HPSE2: variants seen among roughly 807,000 people sequenced by gnomAD.
HPSE2 encodes heparanase 2 (inactive).
In HPSE2, 38 loss-of-function variants were observed where a neutral mutation model predicts 60.5. That is an observed-to-expected ratio of 0.63 (90% CI 0.48 to 0.82). The LOEUF (loss-of-function observed/expected upper bound fraction) is 0.82, where lower values mean the gene tolerates loss of function less well. Among genes scored for constraint, HPSE2 ranks in the 40% least tolerant of loss-of-function variants. The probability of loss-of-function intolerance (pLI) is 0.00; values close to 1 mark genes in which losing one functional copy is unlikely to be tolerated. For synonymous variants in HPSE2, 295 were observed against 293.2 expected, an observed-to-expected ratio of 1.01 and a Z score of -0.06; for missense variants, 713 against 740.4, an observed-to-expected ratio of 0.96 and a Z score of 0.43.
intron 10 of HPSE2, among the ~76,000 whole-genome samples, chr10:98,488,649 G>C (rs1341520936): frequency 6.6e-6 from 1 of 152,230 alleles, no homozygotes. Context: ...AAGGTGCCAA[G>C]AGTAATTTTT....
chr10:98,488,365 T>C (rs1941516084), intron 10 of HPSE2, among the ~76,000 whole-genome samples: 1 of 152,204 alleles, frequency 6.6e-6, no homozygotes, highest in South Asian at 2.1e-4. Flanking sequence ...TTTGCAAACC[T>C]TTCCTGGGAT....
At chr10:98,506,729 C>A (rs1281695635) in intron 9 of HPSE2, among the ~76,000 whole-genome samples, 3 of 152,208 alleles carry the variant, frequency 2.0e-5, no homozygotes, top group Admixed American at 2.0e-4. Context: ...TCACAAAGCA[C>A]TGGGATTTAC....
At chr10:98,579,885 C>T (rs1944744885) in intron 9 of HPSE2, among the ~76,000 whole-genome samples, 1 of 152,158 alleles carries the variant, frequency 6.6e-6, no homozygotes, top group South Asian at 2.1e-4. Flanking sequence ...CATCAAATTG[C>T]CATTTTCTGC....
At chr10:98,634,859 C>G (rs1300845457) in intron 7 of HPSE2, among the ~76,000 whole-genome samples, 1 of 152,208 alleles carries the variant, frequency 6.6e-6, no homozygotes, top group Non-Finnish European at 1.5e-5. Context: ...GTTCTCTGAT[C>G]ATACCCTAAG....
chr10:98,905,189 T>A (rs1953777924), intron 3 of HPSE2, among the ~76,000 whole-genome samples: 1 of 152,186 alleles, frequency 6.6e-6, no homozygotes, highest in South Asian at 2.1e-4. Context: ...CTTTAAGTTT[T>A]AGGGTACATG....
chr10:99,109,493 G>C (rs1249499698), intron 3 of HPSE2, among the ~76,000 whole-genome samples: 1 of 152,168 alleles, frequency 6.6e-6, no homozygotes, highest in Non-Finnish European at 1.5e-5. Flanking sequence ...GGGTGGAATA[G>C]ATTATTTCGC....
chr10:99,086,346 C>CTTTTTTT lies in HPSE2; in HGVS notation c.610+57885_610+57891dup, dbSNP rs66562418. On this transcript the variant is annotated intron_variant, in intron 3 of 11. Transcript: ENST00000370552. ...AGGTGGTAATACGGAAAAGTACTTT[C>CTTTTTTT]TTTTTTTTTTTTTTTTTTTTTTTTG... is the stretch of plus-strand genomic sequence containing the variant. Among the ~76,000 whole-genome samples the CTTTTTTT allele has an allele frequency of 5.1e-4, 42 of 82,996 alleles. 1 individual carries two copies. Among genetic ancestry groups the CTTTTTTT allele is most frequent in the Non-Finnish European group, 6.9e-4 (31 of 45,190 alleles). The allele number at this position is 82,996 out of a possible 152,430, so 54.4% of individuals were successfully genotyped here. A position where few individuals can be genotyped will look rare whatever the true frequency, so the allele number is the denominator to read the frequency against.
chr10:98,670,425 GT>G (rs974340002), intron 6 of HPSE2, among the ~76,000 whole-genome samples: 1 of 152,176 alleles, frequency 6.6e-6, no homozygotes, highest in Non-Finnish European at 1.5e-5. Flanking sequence ...AGTGTTTCAG[GT>G]TTGGGATTTT....
chr10:98,667,794 C>G (rs1947404974), intron 6 of HPSE2, among the ~76,000 whole-genome samples: 2 of 152,120 alleles, frequency 1.3e-5, no homozygotes, highest in South Asian at 2.1e-4. Context: ...ATAATAAAAG[C>G]CATCTATGAC....
At chr10:98,898,570 G>A (rs1953566112) in intron 3 of HPSE2, among the ~76,000 whole-genome samples, 1 of 152,158 alleles carries the variant, frequency 6.6e-6, no homozygotes, top group Non-Finnish European at 1.5e-5. Flanking sequence ...GGGGCTCAGA[G>A]GAAGGAAGGG....
At chr10:99,309,312 T>G in the HPSE2 span, among the ~76,000 whole-genome samples, 3 of 152,198 alleles carry the variant, frequency 2.0e-5, no homozygotes, top group African/African-American at 7.2e-5. Context: ...ATTGTATACA[T>G]TAAGAGGATT....
At chr10:99,025,189 G>A (rs1358364066) in intron 3 of HPSE2, among the ~76,000 whole-genome samples, 1 of 152,144 alleles carries the variant, frequency 6.6e-6, no homozygotes, top group African/African-American at 2.4e-5. Context: ...AAGTTAAGGT[G>A]TAGAGTTTTT....
intron 3 of HPSE2, among the ~76,000 whole-genome samples, chr10:98,759,297 C>G (rs866515554): frequency 2.6e-5 from 4 of 151,980 alleles, no homozygotes; most frequent in Admixed American, 2.0e-4. Context: ...ACACAATTTA[C>G]CCATGCAACA....
chr10:99,189,586 A>G (rs987101279), intron 2 of HPSE2, among the ~76,000 whole-genome samples: 3 of 152,256 alleles, frequency 2.0e-5, no homozygotes, highest in Admixed American at 6.5e-5. Context: ...CCAGAACCAC[A>G]TGAAAACTGT....
intron 3 of HPSE2, among the ~76,000 whole-genome samples, chr10:98,926,360 G>A (rs542571340): frequency 3.4e-4 from 52 of 152,126 alleles, no homozygotes; most frequent in South Asian, 6.2e-4. Flanking sequence ...TAACCAGATG[G>A]TAGTGAAACA....
chr10:98,635,704 C>T (rs1249768169), intron 7 of HPSE2, among the ~76,000 whole-genome samples: 1 of 151,396 alleles, frequency 6.6e-6, no homozygotes, highest in Admixed American at 6.6e-5. Flanking sequence ...AGCGCTTGAG[C>T]CCAGGAATTT....
At chr10:98,607,687 A>G (rs1428250746) in intron 9 of HPSE2, among the ~76,000 whole-genome samples, 1 of 152,228 alleles carries the variant, frequency 6.6e-6, no homozygotes, top group Non-Finnish European at 1.5e-5. Context: ...TTAAGTTGCT[A>G]GAAAATTATA....
At chr10:98,754,136 T>C (rs566080444) in intron 3 of HPSE2, among the ~76,000 whole-genome samples, 1 of 152,200 alleles carries the variant, frequency 6.6e-6, no homozygotes, top group South Asian at 2.1e-4. Flanking sequence ...AGCTGAAAGA[T>C]GAAACAGTCA....
At chr10:99,137,640 G>A (rs537513485) in intron 3 of HPSE2, among the ~76,000 whole-genome samples, 1 of 152,254 alleles carries the variant, frequency 6.6e-6, no homozygotes, top group South Asian at 2.1e-4. Flanking sequence ...ACAAGCAATG[G>A]GGAAAAGATT....
Sources: gnomAD v4.1 joint callset for allele counts (sites outside exome capture counted in the v4.1 genomes callset) on GRCh38, gnomAD v4.1.1 for gene constraint, MANE v1.5 for transcripts, NCBI Gene and HGNC (gene_info 2026-07-23, HGNC 2026-07-21) for gene names.